MAP4K5: variants seen among roughly 807,000 people sequenced by gnomAD.
The protein encoded by MAP4K5 is MAPK/ERK kinase kinase kinase 5.
Under a neutral mutation model 135.6 loss-of-function variants are expected in MAP4K5, and 82 were observed. The ratio of observed to expected loss-of-function variants is 0.60; its 90% CI spans 0.51 to 0.73. MAP4K5 has a LOEUF of 0.73. Among genes scored for constraint, MAP4K5 ranks in the 30% least tolerant of loss-of-function variants. The pLI is 0.00. For missense variants in MAP4K5, 907 were observed against 1,010.9 expected (o/e 0.90, Z 1.39); for synonymous variants, 347 against 335.0 (o/e 1.04, Z -0.39).
At position 50,468,232 on chromosome 14, in the gene MAP4K5, A is replaced by G. The variant is rs138661326; in HGVS notation, c.674+419T>C. Among the ~76,000 whole-genome samples, 63 of 152,344 alleles carry G rather than the reference A, an allele frequency of 4.1e-4. 1 individual carries two copies. The East Asian group carries it at 9.8e-3, about 24-fold the overall frequency. On this transcript the variant is annotated intron_variant, in intron 10 of 32. Transcript: ENST00000682126. ...AGGACAAAAAAAAAGATCAATTGAT[A>G]AAAGAATGAACATGAAGACTCAAAA...
At chr14:50,493,076 T>C (rs1042900644) in intron 3 of MAP4K5, among the ~76,000 whole-genome samples, 11 of 150,572 alleles carry the variant, frequency 7.3e-5, no homozygotes, top group Non-Finnish European at 1.2e-4. Flanking sequence ...AAATCACCCA[T>C]AAATGTACCA....
chr14:50,473,914 C>T (rs549962371), intron 9 of MAP4K5, among the ~76,000 whole-genome samples: 8 of 151,740 alleles, frequency 5.3e-5, no homozygotes, highest in Admixed American at 2.0e-4. Context: ...TTAGTAGAGA[C>T]GGGGTTTCAC....
intron 3 of MAP4K5, among the ~76,000 whole-genome samples, chr14:50,503,629 T>C (rs577260923): frequency 3.3e-5 from 5 of 152,168 alleles, no homozygotes; most frequent in Admixed American, 3.3e-4. Context: ...AAAACTGCTA[T>C]AATATTAGGT....
chr14:50,433,724 G>C (rs1435390018), intron 28 of MAP4K5, among the ~76,000 whole-genome samples: 1 of 152,124 alleles, frequency 6.6e-6, no homozygotes, highest in East Asian at 1.9e-4. Context: ...CATAACTAAA[G>C]CTTGCTTGGC....
intron 30 of MAP4K5, among the ~76,000 whole-genome samples, chr14:50,427,270 C>A (rs1196334511): frequency 6.6e-6 from 1 of 152,042 alleles, no homozygotes; most frequent in East Asian, 1.9e-4. Flanking sequence ...TTAAGGATTC[C>A]TATGTCAGAA....
At chr14:50,495,575 A>T (rs1454634435) in intron 3 of MAP4K5, among the ~76,000 whole-genome samples, 1 of 152,226 alleles carries the variant, frequency 6.6e-6, no homozygotes, top group Non-Finnish European at 1.5e-5. Flanking sequence ...TATCCAAAAG[A>T]ACTGAAAATA....
intron 13 of MAP4K5, among the ~76,000 whole-genome samples, chr14:50,462,258 T>C (rs1398661879): frequency 1.3e-5 from 2 of 152,132 alleles, no homozygotes; most frequent in African/African-American, 2.4e-5. Context: ...TTTATATATA[T>C]CCCACAGAAT....
chr14:50,515,381 C>T (rs1047124953), intron 2 of MAP4K5, among the ~76,000 whole-genome samples: 8 of 152,178 alleles, frequency 5.3e-5, no homozygotes, highest in African/African-American at 1.9e-4. Flanking sequence ...TTTCAGCTCA[C>T]TTATTCTAGT....
chr14:50,456,579 G>T lies in MAP4K5; in HGVS notation c.952C>A (p.Arg318Ser). Residue 318 changes from arginine (R) to serine (S), a missense_variant, in exon 14 of 33, where the codon CGT becomes AGT. This residue lies in a region of MAP4K5 where 690 missense variants were observed against 777.4 expected (regional missense o/e 0.89). Coordinates refer to ENST00000682126, the MANE Select transcript of MAP4K5 (RefSeq NM_006575.6). ...DDDFEPHAII[R>S]HTIRSTNRNA... ...CTGTTTGTAGATCTAATGGTATGAC[G>T]AATGATTGCATGGGGCTGTGAATAT... is the stretch of plus-strand genomic sequence containing the variant. The T allele has an allele frequency of 6.4e-7, 1 of 1,572,392 alleles. No individual in the cohort carries two copies. Among genetic ancestry groups the T allele is most frequent in the Non-Finnish European group, 8.6e-7 (1 of 1,157,184 alleles).
At chr14:50,467,673 T>C (rs1355799101) in intron 10 of MAP4K5, among the ~76,000 whole-genome samples, 1 of 152,100 alleles carries the variant, frequency 6.6e-6, no homozygotes, top group Non-Finnish European at 1.5e-5. Flanking sequence ...TGAATTATAA[T>C]CCCCTAAACG....
chr14:50,560,572 G>T, intron 1 of MAP4K5: 1 of 516,272 alleles, frequency 1.9e-6, no homozygotes, highest in South Asian at 2.0e-5. Context: ...CCTCCTCCCA[G>T]CATTTGGACA....
Position 50,443,922 on chromosome 14 carries a change from AT to A in MAP4K5, c.1437+16del. 1 of 1,573,004 alleles carries A rather than the reference AT, an allele frequency of 6.4e-7. No individual in the cohort carries two copies. The highest frequency in any genetic ancestry group is 1.1e-5 in the South Asian group (1 of 87,690). Reference sequence around the variant, plus strand: ...AGTATTATTTACAACTAATTGCTAAATGCCTGTTATACCTACAGGGAAGTCT... The same window carrying A: ...AGTATTATTTACAACTAATTGCTAAAGCCTGTTATACCTACAGGGAAGTCT... On this transcript the variant is annotated intron_variant, in intron 19 of 32. Transcript: ENST00000682126.
rs1265044429 is a variant in MAP4K5, at chr14:50,441,781, CACACACACACACACACATAT to C, written c.1564+931_1564+950del. On this transcript the variant is annotated intron_variant, in intron 21 of 32. Coordinates refer to ENST00000682126, the MANE Select transcript of MAP4K5 (RefSeq NM_006575.6). ...ACACACACACACACACACACACACA[CACACACACACACACACATAT>C]ATATACCCCCTCTGTCATACTTTTT... 5.2e-5 allele frequency among the ~76,000 whole-genome samples: 7 copies of C among 135,560 alleles called. No homozygotes were observed. In the East Asian group the frequency reaches 1.3e-3, roughly 25 times the overall value. The allele number at this position is 135,560 out of a possible 152,430, so 88.9% of individuals were successfully genotyped here.
At position 50,549,318 on chromosome 14, in the gene MAP4K5, G is replaced by A. The variant is rs566222320; in HGVS notation, c.-179-6734C>T. Reference sequence around the variant, plus strand: ...AAGAGCAGCCACAGGGTGGGCCACAGCAAAGGCAGCAGGCATCTCCATCCT... The same window carrying A: ...AAGAGCAGCCACAGGGTGGGCCACAACAAAGGCAGCAGGCATCTCCATCCT... On this transcript the variant is annotated intron_variant, in intron 1 of 8. Transcript: ENST00000555216. Among the ~76,000 whole-genome samples, 4 of 152,326 alleles carry A rather than the reference G, an allele frequency of 2.6e-5. No individual in the cohort carries two copies. The South Asian group carries it at 6.2e-4, about 24-fold the overall frequency.
Position 50,440,092 on chromosome 14 carries a change from T to C in MAP4K5, c.1645-19A>G, listed in dbSNP as rs748938257. On this transcript the variant is annotated intron_variant, in intron 22 of 32. Transcript: ENST00000682126. ...GAAATAACTAAGAAAAAGAAGATAA[T>C]TAAGATTCTCTCATTGTCATTATTT... 45 of 1,350,864 alleles carry C rather than the reference T, an allele frequency of 3.3e-5. No individual in the cohort carries two copies. Among genetic ancestry groups the C allele is most frequent in the African/African-American group, 1.5e-5 (1 of 67,732 alleles). The allele number at this position is 1,350,864 out of a possible 1,614,324, so 83.7% of individuals were successfully genotyped here.
At chr14:50,456,133 C>A (rs2036589771) in intron 14 of MAP4K5, among the ~76,000 whole-genome samples, 1 of 151,966 alleles carries the variant, frequency 6.6e-6, no homozygotes, top group Admixed American at 6.6e-5. Context: ...GAAATTAATT[C>A]TATTGTTAAG....
chr14:50,427,408 T>C lies in MAP4K5; in HGVS notation c.2326+1254A>G, dbSNP rs1159242866. On this transcript the variant is annotated intron_variant, in intron 30 of 32. Coordinates refer to ENST00000682126, the MANE Select transcript of MAP4K5 (RefSeq NM_006575.6). ...AGGTTTTCTGCTTTAATAAATTAAA[T>C]TTCCCAATCATAAGCAAACTATTTT... 2.0e-5 allele frequency among the ~76,000 whole-genome samples: 3 copies of C among 152,286 alleles called. 1 individual carries two copies. The highest frequency in any genetic ancestry group is 4.1e-4 in the South Asian group (2 of 4,822).
intron 2 of MAP4K5, among the ~76,000 whole-genome samples, chr14:50,518,579 C>T (rs985723342): frequency 2.0e-4 from 30 of 152,162 alleles, no homozygotes; most frequent in African/African-American, 6.5e-4. Flanking sequence ...CTTCCTATCC[C>T]ATGGAAGGAG....
chr14:50,440,284 C>T (rs1274304982), intron 22 of MAP4K5, 78 bp downstream of exon 22: 1 of 993,868 alleles, frequency 1.0e-6, no homozygotes, highest in South Asian at 1.5e-5. Flanking sequence ...TTGGGGCCTA[C>T]ACAGATTGAT....
Sources: allele counts gnomAD v4.1 joint callset (sites outside exome capture counted in the v4.1 genomes callset), GRCh38; gene constraint gnomAD v4.1.1; regional missense constraint gnomAD v4.1.1; transcripts MANE v1.5; gene names NCBI Gene and HGNC (gene_info 2026-07-23, HGNC 2026-07-21).